The following PIEZO1 variants were observed in gnomAD, a reference collection of about 807,000 sequenced individuals.
The protein encoded by PIEZO1 is piezo-type mechanosensitive ion channel component 1.
In PIEZO1, 296 loss-of-function variants were observed where a neutral mutation model predicts 297.2. The observed-to-expected ratio is 1.00, with a 90% CI of 0.91 to 1.10. The LOEUF (loss-of-function observed/expected upper bound fraction) is 1.10, where lower values mean the gene tolerates loss of function less well. Among genes scored for constraint, PIEZO1 ranks in the 50% least tolerant of loss-of-function variants. The pLI is 0.00. For synonymous variants in PIEZO1, 2,427 were observed against 1,507.5 expected (o/e 1.61, Z -14.13); for missense variants, 5,018 against 3,455.5 (o/e 1.45, Z -11.34).
intron 1 of PIEZO1, among the ~76,000 whole-genome samples, chr16:88,754,870 C>T (rs1906574877): frequency 2.6e-5 from 4 of 152,358 alleles, no homozygotes; most frequent in Admixed American, 1.3e-4. Context: ...CAGGCAGAGA[C>T]GAGCTGGGGG....
intron 3 of PIEZO1, 85 bp downstream of exon 3, chr16:88,742,215 C>G (rs963974716): frequency 3.3e-6 from 5 of 1,494,452 alleles, no homozygotes; most frequent in South Asian, 2.5e-5. Flanking sequence ...CTGAGTCAAC[C>G]CCCCCAGGAG....
intron 44 of PIEZO1, 167 bp downstream of exon 44, chr16:88,719,407 C>G (rs1912266814): frequency 6.3e-6 from 4 of 635,200 alleles, no homozygotes; most frequent in Non-Finnish European, 1.1e-5. Flanking sequence ...CTGCCAAGAT[C>G]ACTGGCCTCG....
At chr16:88,750,982 A>C (rs915567781) in intron 1 of PIEZO1, among the ~76,000 whole-genome samples, 5 of 151,702 alleles carry the variant, frequency 3.3e-5, no homozygotes, top group African/African-American at 1.2e-4. Flanking sequence ...CCATGACCCC[A>C]AAGCCCCAGC....
In PIEZO1 at chr16:88,733,934, A is replaced by G; in HGVS notation, c.2301T>C (p.Thr767=). ...CAGGCACCTGCGTGGCCTGGTGGGG[A>G]GTGGCCACGCCCAGCCCCTCGTCCC... The part of the protein sequence containing the change: ...DSRDEGLGVA[T]PHQATQVPEG... The change falls in exon 17 of 51, where the codon ACT becomes ACC. Residue 767 remains threonine (T), a synonymous_variant. Transcript: ENST00000301015. 2 of 1,533,438 alleles carry G rather than the reference A, an allele frequency of 1.3e-6. No homozygotes were observed. The highest frequency in any genetic ancestry group is 2.5e-5 in the East Asian group (1 of 40,568). The allele number at this position is 1,533,438 out of a possible 1,614,324, so 95.0% of individuals were successfully genotyped here. A position where few individuals can be genotyped will look rare whatever the true frequency, so the allele number is the denominator to read the frequency against.
intron 2 of PIEZO1, among the ~76,000 whole-genome samples, chr16:88,749,061 C>T (rs1349221161): frequency 4.0e-5 from 6 of 151,246 alleles, no homozygotes; most frequent in Non-Finnish European, 7.4e-5. Flanking sequence ...CACGGTGAAA[C>T]CCCGTCTCTA....
chr16:88,775,073 G>C (rs1907596614), intron 1 of PIEZO1, among the ~76,000 whole-genome samples: 1 of 152,202 alleles, frequency 6.6e-6, no homozygotes. Flanking sequence ...AGACGACAGA[G>C]TTCCCGGCCG....
intron 2 of PIEZO1, among the ~76,000 whole-genome samples, chr16:88,748,470 C>T (rs1906183285): frequency 1.1e-5 from 1 of 94,868 alleles, no homozygotes; most frequent in Non-Finnish European, 2.1e-5. Context: ...CAAGGTGGTT[C>T]CCAAGGGGGG....
chr16:88,723,969 T>C lies in PIEZO1; in HGVS notation c.4237A>G (p.Ile1413Val). 6.5e-7 allele frequency: 1 copy of C among 1,536,868 alleles called. No homozygotes were observed. The highest frequency in any genetic ancestry group is 8.8e-7 in the Non-Finnish European group (1 of 1,134,628). The change falls in exon 31 of 51, where the codon ATC (isoleucine) becomes GTC (valine). Residue 1413 changes from isoleucine (I) to valine (V), a missense_variant and splice_region_variant. Ile to Val is a conservative substitution (Grantham distance 29). Coordinates refer to ENST00000301015, the MANE Select transcript of PIEZO1 (RefSeq NM_001142864.4). ...AACAGGAAGTAGTCCCCGGAGTGGA[T>C]GACTGTGGGCAGGCAGCACTGAGAG... The part of the protein sequence containing the change: ...WRPWLDHATV[I>V]HSGDYFLFES...
chr16:88,738,775 G>C, intron 5 of PIEZO1, 39 bp from the exon 6 acceptor site: 1 of 1,496,374 alleles, frequency 6.7e-7, no homozygotes, highest in Non-Finnish European at 9.0e-7. Flanking sequence ...CAGGTGTATC[G>C]CACTGACGCC....
rs545171267 is a variant in PIEZO1, at chr16:88,716,054, C to T, written c.7195G>A (p.Gly2399Ser). 3.9e-4 allele frequency: 599 copies of T among 1,550,238 alleles called. 1 individual carries two copies. The highest frequency in any genetic ancestry group is 9.0e-4 in the South Asian group (76 of 84,054). The change falls in exon 50 of 51, where the codon GGC becomes AGC. Residue 2399 changes from glycine (G) to serine (S), a missense_variant. Gly to Ser is a moderately conservative substitution (Grantham distance 56). Coordinates refer to ENST00000301015, the MANE Select transcript of PIEZO1 (RefSeq NM_001142864.4). ...TCGATGACCCACCATTCGAGGAAGC[C>T]GGTGGCCCCCGCACCCTGCTCCCTC... ...LRREQGAGAT[G>S]FLEWWVIELQ...
At chr16:88,764,851 C>T (rs931849279) in intron 1 of PIEZO1, among the ~76,000 whole-genome samples, 2 of 152,190 alleles carry the variant, frequency 1.3e-5, no homozygotes, top group Non-Finnish European at 2.9e-5. Context: ...GGACTCCGCC[C>T]TCGGCACCAG....
intron 1 of PIEZO1, among the ~76,000 whole-genome samples, chr16:88,752,602 C>T (rs1016198764): frequency 7.2e-5 from 11 of 152,008 alleles, no homozygotes; most frequent in African/African-American, 2.4e-4. Context: ...GGAGATGAGG[C>T]GGGTGCAGGG....
rs547762295 is a variant in PIEZO1 at position 88,715,842 on chromosome 16, C to T, written c.7329G>A (p.Leu2443=). 4.9e-5 allele frequency: 76 copies of T among 1,550,104 alleles called. No individual in the cohort carries two copies. In the African/African-American group the frequency reaches 7.1e-4, roughly 14 times the overall value. ...CGATGACCAGCACGATGGACACGTA[C>T]AGCCCCATGATGCTGCGGGGGAAGC... ...GFLAGYGIMG[L]YVSIVLVIGK... Residue 2443 remains leucine, a synonymous_variant, in exon 51 of 51, where the codon CTG becomes CTA. Transcript: ENST00000301015.
At chr16:88,769,639 C>A (rs1464455623) in intron 1 of PIEZO1, among the ~76,000 whole-genome samples, 1 of 152,244 alleles carries the variant, frequency 6.6e-6, no homozygotes, top group Non-Finnish European at 1.5e-5. Context: ...GGACCTGCAG[C>A]CTCCAGTCAG....
chr16:88,738,215 G>A lies in PIEZO1; in HGVS notation c.848+12C>T, dbSNP rs768230175. 3 of 1,534,652 alleles carry A rather than the reference G, an allele frequency of 2.0e-6. No homozygotes were observed. Among genetic ancestry groups the A allele is most frequent in the South Asian group, 1.2e-5 (1 of 84,040 alleles). On this transcript the variant is annotated intron_variant, in intron 7 of 50. Transcript: ENST00000301015. ...GGTGGCAGGAAAAAGGGGCTGTGTG[G>A]CAAGCCGTTACCTAGCCCAGATGCC...
At chr16:88,724,780 T>C (rs1904318509) in intron 30 of PIEZO1, among the ~76,000 whole-genome samples, 1 of 152,088 alleles carries the variant, frequency 6.6e-6, no homozygotes, top group African/African-American at 2.4e-5. Context: ...CGGGGCAAGC[T>C]CCGAGACTCC....
Position 88,722,076 on chromosome 16 carries a change from G to T in PIEZO1, c.4956-10C>A. Reference sequence around the variant, plus strand: ...TGGGATGCGCAGGCGCCTACAGGGAGACCCGCGTGTTTGGGGGAGTCTGGG... The same window carrying T: ...TGGGATGCGCAGGCGCCTACAGGGATACCCGCGTGTTTGGGGGAGTCTGGG... On this transcript the variant is annotated splice_polypyrimidine_tract_variant and intron_variant, in intron 36 of 50. Transcript: ENST00000301015. The T allele has an allele frequency of 6.5e-7, 1 of 1,541,572 alleles. No homozygotes were observed.
rs1205448040 is a variant in PIEZO1, at chr16:88,725,623, C to T, written c.4030G>A (p.Glu1344Lys). The change falls in exon 28 of 51, where the codon GAG (glutamate) becomes AAG (lysine). Residue 1344 changes from glutamate to lysine, a missense_variant. Transcript: ENST00000301015. ...CTTTTCAGCTGGGCCAGGGACTTCT[C>T]CTCTATCCTGCGGTGAAAGTCAATG... Reference protein sequence around the residue: ...KSIDFHRRIEEKSLAQLKRQM... With the variant: ...KSIDFHRRIEKKSLAQLKRQM... 1.9e-6 allele frequency: 3 copies of T among 1,549,648 alleles called. No individual in the cohort carries two copies. The highest frequency in any genetic ancestry group is 2.4e-5 in the South Asian group (2 of 84,044).
intron 1 of PIEZO1, among the ~76,000 whole-genome samples, chr16:88,778,149 T>C (rs1304335392): frequency 6.6e-6 from 1 of 152,232 alleles, no homozygotes; most frequent in South Asian, 2.1e-4. Flanking sequence ...CTCCCCTGCC[T>C]GATGCCGCTC....
Sources: gnomAD v4.1 joint callset for allele counts (sites outside exome capture counted in the v4.1 genomes callset) on GRCh38, gnomAD v4.1.1 for gene constraint, MANE v1.5 for transcripts, NCBI Gene and HGNC (gene_info 2026-07-23, HGNC 2026-07-21) for gene names.